SAMD8: variants seen among roughly 807,000 people sequenced by gnomAD.
SAMD8 encodes sterile alpha motif domain containing 8, also known as sphingomyelin synthase-related protein 1.
Under a neutral mutation model 42.0 loss-of-function variants are expected in SAMD8, and 20 were observed. That is an observed-to-expected ratio of 0.48 (90% CI 0.34 to 0.69). The LOEUF (loss-of-function observed/expected upper bound fraction) is 0.69, where lower values mean the gene tolerates loss of function less well. Among genes scored for constraint, SAMD8 ranks in the 30% least tolerant of loss-of-function variants. The pLI is 0.01. For missense variants in SAMD8, 328 were observed against 511.6 expected (o/e 0.64, Z 3.46); for synonymous variants, 162 against 173.0 (o/e 0.94, Z 0.50).
intron 1 of SAMD8, among the ~76,000 whole-genome samples, chr10:75,128,553 G>A (rs1411772292): frequency 1.3e-5 from 2 of 152,220 alleles, no homozygotes; most frequent in Middle Eastern, 3.4e-3. Flanking sequence ...ATCTACATTG[G>A]TGTAAGATTA....
upstream of SAMD8, among the ~76,000 whole-genome samples, chr10:75,107,383 C>T (rs189614141): frequency 8.1e-4 from 123 of 151,592 alleles, no homozygotes; most frequent in Admixed American, 2.4e-3. Flanking sequence ...TACTTTGGGG[C>T]AGACATCTAG....
chr10:75,151,495 A>G (rs1242061784), intron 2 of SAMD8, among the ~76,000 whole-genome samples: 1 of 151,866 alleles, frequency 6.6e-6, no homozygotes, highest in Non-Finnish European at 1.5e-5. Flanking sequence ...CTGGGACTGT[A>G]GACATGTTCC....
intron 1 of SAMD8, among the ~76,000 whole-genome samples, chr10:75,121,835 G>A (rs1849012329): frequency 6.6e-6 from 1 of 152,076 alleles, no homozygotes; most frequent in South Asian, 2.1e-4. Flanking sequence ...AGGATTACAG[G>A]CATCCACCAC....
At chr10:75,134,528 G>A (rs919030138) in intron 1 of SAMD8, among the ~76,000 whole-genome samples, 16 of 152,014 alleles carry the variant, frequency 1.1e-4, no homozygotes, top group African/African-American at 3.4e-4. Flanking sequence ...CCAGCTACTT[G>A]GGAGGCTAAG....
rs557895631 is a variant in SAMD8, at chr10:75,179,561, AAGTT to A, written c.*2872_*2875del. On this transcript the variant is annotated 3_prime_UTR_variant, in exon 6 of 6. Coordinates refer to ENST00000542569, the MANE Select transcript of SAMD8 (RefSeq NM_001174156.2). ...CTCATATATGTTTTGAGAAAAATGT[AAGTT>A]AGGTATAACTTATTGTTTTAACTAT... 516 of 152,350 alleles carry A rather than the reference AAGTT, an allele frequency of 3.4e-3. 2 individuals are homozygous for A. The highest frequency in any genetic ancestry group is 0.011 in the African/African-American group (478 of 41,590). The allele number at this position is 152,350 out of a possible 1,614,324, so 9.4% of individuals were successfully genotyped here.
At chr10:75,158,518 G>C (rs1422940974) in intron 2 of SAMD8, among the ~76,000 whole-genome samples, 1 of 151,886 alleles carries the variant, frequency 6.6e-6, no homozygotes, top group African/African-American at 2.4e-5. Context: ...CTTGAACCTA[G>C]GAGGTGGAGG....
intron 4 of SAMD8, among the ~76,000 whole-genome samples, chr10:75,170,750 A>G (rs1485759581): frequency 1.4e-5 from 2 of 146,298 alleles, no homozygotes; most frequent in Non-Finnish European, 1.5e-5. Context: ...ATACTTACAC[A>G]CTCATATAAG....
chr10:75,106,848 T>C (rs373958026), upstream of SAMD8, among the ~76,000 whole-genome samples: 11 of 152,324 alleles, frequency 7.2e-5, no homozygotes, highest in African/African-American at 2.6e-4. Flanking sequence ...TAAAAAGTCA[T>C]GTGAGCTGTA....
At chr10:75,162,649 CAAAAAA>C in intron 2 of SAMD8, among the ~76,000 whole-genome samples, 1 of 89,884 alleles carries the variant, frequency 1.1e-5, no homozygotes, top group East Asian at 3.2e-4. Context: ...AACTCCGTCT[CAAAAAA>C]AAAAAAAAAA....
chr10:75,150,254 G>A (rs1422199668), intron 1 of SAMD8: 1 of 165,228 alleles, frequency 6.1e-6, no homozygotes, highest in Non-Finnish European at 1.2e-5. Flanking sequence ...TGAGACTATA[G>A]GTGTCCCACC....
chr10:75,174,576 A>G (rs1840946859), intron 4 of SAMD8, among the ~76,000 whole-genome samples: 1 of 151,334 alleles, frequency 6.6e-6, no homozygotes, highest in African/African-American at 2.4e-5. Context: ...CTGGGATTAC[A>G]GGCATGTGCC....
intron 1 of SAMD8, among the ~76,000 whole-genome samples, chr10:75,131,678 A>G (rs1849276852): frequency 6.6e-6 from 1 of 152,192 alleles, no homozygotes; most frequent in African/African-American, 2.4e-5. Context: ...TTAAAAATCT[A>G]TAATAAATCT....
chr10:75,153,591 G>T (rs554586615), intron 2 of SAMD8, among the ~76,000 whole-genome samples: 57 of 151,398 alleles, frequency 3.8e-4, no homozygotes, highest in African/African-American at 1.4e-3. Flanking sequence ...TCCAGCCCGG[G>T]TGTCAGAGTG....
chr10:75,144,124 T>C (rs1340760894), intron 1 of SAMD8, among the ~76,000 whole-genome samples: 1 of 151,892 alleles, frequency 6.6e-6, no homozygotes, highest in East Asian at 1.9e-4. Flanking sequence ...CCCGCCACCA[T>C]GCCAGGCTCT....
intron 2 of SAMD8, among the ~76,000 whole-genome samples, chr10:75,152,500 C>T (rs1460434663): frequency 5.4e-5 from 7 of 130,116 alleles, no homozygotes; most frequent in Admixed American, 9.2e-5. Flanking sequence ...CCAGCCTAGG[C>T]GACAGAGCGA....
chr10:75,153,589 G>C (rs553717519), intron 2 of SAMD8, among the ~76,000 whole-genome samples: 540 of 151,436 alleles, frequency 3.6e-3, no homozygotes, highest in Non-Finnish European at 5.6e-3. Context: ...ACTCCAGCCC[G>C]GGTGTCAGAG....
intron 1 of SAMD8, among the ~76,000 whole-genome samples, chr10:75,117,088 C>T (rs1387714087): frequency 6.6e-6 from 1 of 151,536 alleles, no homozygotes; most frequent in East Asian, 2.0e-4. Flanking sequence ...GGTTTACAGG[C>T]GTGAACCACC....
intron 2 of SAMD8, among the ~76,000 whole-genome samples, chr10:75,152,961 C>CT (rs1840326006): frequency 6.6e-6 from 1 of 151,976 alleles, no homozygotes; most frequent in Non-Finnish European, 1.5e-5. Context: ...TTGGGTATTA[C>CT]TTTCTTGTTT....
intron 1 of SAMD8, among the ~76,000 whole-genome samples, chr10:75,099,925 C>T (rs774168726): frequency 5.9e-5 from 9 of 152,094 alleles, no homozygotes; most frequent in Non-Finnish European, 1.0e-4. Context: ...TCTGGATATG[C>T]GGTCACTGCA....
Sources: allele counts gnomAD v4.1 joint callset (sites outside exome capture counted in the v4.1 genomes callset), GRCh38; gene constraint gnomAD v4.1.1; transcripts MANE v1.5; gene names NCBI Gene and HGNC (gene_info 2026-07-23, HGNC 2026-07-21).